Variants in FLG observed in about 807,000 individuals in gnomAD.
The protein encoded by FLG is epidermal filaggrin.
In FLG, 6 loss-of-function variants were observed where a neutral mutation model predicts 3.8. The ratio of observed to expected loss-of-function variants is 1.60; its 90% CI spans 0.87 to 3.15. The LOEUF is 3.15. Among genes scored for constraint, FLG ranks in the 30% most tolerant of loss-of-function variants. The probability of loss-of-function intolerance (pLI) is 0.00; values close to 1 mark genes in which losing one functional copy is unlikely to be tolerated. For synonymous variants in FLG, 2,551 were observed against 1,931.6 expected (o/e 1.32, Z -8.41); for missense variants, 7,595 against 5,050.9 (o/e 1.50, Z -15.27).
Position 152,309,688 on chromosome 1 carries a change from G to A in FLG, c.5198C>T (p.Ser1733Leu), listed in dbSNP as rs1310447389. Residue 1733 changes from serine to leucine, a missense_variant, in exon 3 of 3, where the codon TCA becomes TTA. By Grantham distance (145) the Ser-to-Leu change is moderately radical (BLOSUM62 -2). Transcript: ENST00000368799. ...EGHSEESDTQ[S>L]VSAHGQAGPH... ...CCCAGCCTGTCCGTGGGCTGACACTGACTGTGTGTCTGACTCTTCTGAGTG... is the reference window on the plus strand; with the variant it reads ...CCCAGCCTGTCCGTGGGCTGACACTAACTGTGTGTCTGACTCTTCTGAGTG... 7 of 1,613,958 alleles carry A rather than the reference G, an allele frequency of 4.3e-6. No homozygotes were observed. The highest frequency in any genetic ancestry group is 5.9e-6 in the Non-Finnish European group (7 of 1,179,944).
Position 152,312,480 on chromosome 1 carries a change from C to T in FLG, c.2406G>A (p.Gln802=). 6.2e-7 allele frequency: 1 copy of T among 1,613,640 alleles called. No homozygotes were observed. Among genetic ancestry groups the T allele is most frequent in the Non-Finnish European group, 8.5e-7 (1 of 1,179,898 alleles). ...SFLYQVSTHK[Q]SESSHGWTGP... ...CTGTCCATCCATGGGAGGACTCAGA[C>T]TGTTTATGAGTGCTCACCTGGTAGA... Residue 802 remains glutamine, a synonymous_variant, in exon 3 of 3, where the codon CAG becomes CAA. Transcript: ENST00000368799.
In FLG at chr1:152,308,112, C is replaced by CCT. The variant is rs1557875019; in HGVS notation, c.6772_6773dup (p.Arg2259GlyfsTer161). 6.2e-7 allele frequency: 1 copy of CCT among 1,613,532 alleles called. No homozygotes were observed. On this transcript the variant is annotated frameshift_variant, in exon 3 of 3. Transcript: ENST00000368799. LOFTEE classifies it low-confidence loss of function (END_TRUNC). ...GGTTTCTGGACGCAGACCCAGACCG[C>CCT]CTCTCAGAATCTTCTGAGTGTCCCT... is the stretch of plus-strand genomic sequence containing the variant.
Position 152,302,334 on chromosome 1 carries a change from A to G in FLG, c.*366T>C. 1 of 280,716 alleles carries G rather than the reference A, an allele frequency of 3.6e-6. No individual in the cohort carries two copies. The highest frequency in any genetic ancestry group is 6.7e-6 in the Non-Finnish European group (1 of 148,558). 17.4% of individuals were successfully genotyped at this position (280,716 alleles called of 1,614,324 possible). On this transcript the variant is annotated 3_prime_UTR_variant, in exon 3 of 3. Transcript: ENST00000368799. ...CCACTTTGGTATACAGAACTGTTTT[A>G]TATTTTTGGCTCCTTCGATATTTCT...
chr1:152,303,685 C>T lies in FLG; in HGVS notation c.11201G>A (p.Arg3734Lys), dbSNP rs1296263141. 1 of 1,614,094 alleles carries T rather than the reference C, an allele frequency of 6.2e-7. No homozygotes were observed. The highest frequency in any genetic ancestry group is 8.5e-7 in the Non-Finnish European group (1 of 1,179,986). Residue 3734 changes from arginine (R) to lysine (K), a missense_variant, in exon 3 of 3, where the codon AGA (arginine) becomes AAA (lysine). Transcript: ENST00000368799. ...TGCCTGCTCGTGGCGGGATCCTTGT[C>T]TTCCTCCAGTACTGGGCCCAGCCCG... Reference protein sequence around the residue: ...HGRAGPSTGGRQGSRHEQARD... With the variant: ...HGRAGPSTGGKQGSRHEQARD...
Position 152,310,301 on chromosome 1 carries a change from C to G in FLG, c.4585G>C (p.Asp1529His). Reference protein sequence around the residue: ...HSHTTPQGRSDASHGQSGPRS... With the variant: ...HSHTTPQGRSHASHGQSGPRS... ...GGTCCTGACTGCCCATGGGAGGCAT[C>G]AGACCTTCCCTGGGGTGTGGTGTGG... The change falls in exon 3 of 3, where the codon GAT becomes CAT. Residue 1529 changes from aspartate (D) to histidine (H), a missense_variant. Coordinates refer to ENST00000368799, the MANE Select transcript of FLG (RefSeq NM_002016.2). The G allele has an allele frequency of 1.2e-6, 2 of 1,613,928 alleles. No individual in the cohort carries two copies. Among genetic ancestry groups the G allele is most frequent in the Non-Finnish European group, 1.7e-6 (2 of 1,179,986 alleles).
rs201778534 is a variant in FLG, at chr1:152,304,802, C to A, written c.10084G>T (p.Gly3362Trp). ...TQSVSGHGQA[G>W]PHQQSHQESA... ...TCTTGGTGGCTCTGCTGATGGGGCCCAGCCTGTCCATGGCCTGACACTGAC... is the reference window on the plus strand; with the variant it reads ...TCTTGGTGGCTCTGCTGATGGGGCCAAGCCTGTCCATGGCCTGACACTGAC... Residue 3362 changes from glycine (G) to tryptophan (W), a missense_variant, in exon 3 of 3, where the codon GGG becomes TGG. Physicochemically the swap from Gly to Trp is radical, Grantham distance 184. Transcript: ENST00000368799. 243 of 1,613,880 alleles carry A rather than the reference C, an allele frequency of 1.5e-4. 1 individual carries two copies. The highest frequency in any genetic ancestry group is 2.6e-5 in the Non-Finnish European group (31 of 1,179,972).
rs761082268 is a variant in FLG at position 152,309,060 on chromosome 1, A to G, written c.5826T>C (p.His1942=). The G allele has an allele frequency of 6.8e-6, 11 of 1,613,992 alleles. No homozygotes were observed. The highest frequency in any genetic ancestry group is 1.3e-5 in the African/African-American group (1 of 74,914). ...TTGACTGCTCCCAAGCAGATCCAAGATGGTTTCTGGAAGCAGACCCAGACC... is the reference window on the plus strand; with the variant it reads ...TTGACTGCTCCCAAGCAGATCCAAGGTGGTTTCTGGAAGCAGACCCAGACC... ...ERWSGSASRN[H]LGSAWEQSRD... Residue 1942 remains histidine (H), a synonymous_variant, in exon 3 of 3, where the codon CAT becomes CAC. Coordinates refer to ENST00000368799, the MANE Select transcript of FLG (RefSeq NM_002016.2).
In FLG at chr1:152,314,678, CA is replaced by C. The variant is rs769046914; in HGVS notation, c.207del (p.Ile69MetfsTer8). On this transcript the variant is annotated frameshift_variant, in exon 3 of 3. Transcript: ENST00000368799. LOFTEE classifies it low-confidence loss of function (END_TRUNC). ...DHLDIDHNKK[I>X]DFTEFLLMVF... ...ACCATCAGAAGAAACTCAGTGAAGT[CA>C]ATTTTCTTGTTGTGGTCTATATCCA... 6.2e-7 allele frequency: 1 copy of C among 1,613,976 alleles called. No homozygotes were observed. Among genetic ancestry groups the C allele is most frequent in the Non-Finnish European group, 8.5e-7 (1 of 1,179,954 alleles).
In FLG at chr1:152,308,679, C is replaced by A. The variant is rs1435439883; in HGVS notation, c.6207G>T (p.Gln2069His). Residue 2069 changes from glutamine (Q) to histidine (H), a missense_variant, in exon 3 of 3, where the codon CAG becomes CAT. Coordinates refer to ENST00000368799, the MANE Select transcript of FLG (RefSeq NM_002016.2). ...CACGTGCGGACTCTTTGTGGCTCTG[C>A]TGATGGGGCCCAGCTTTTCCCTGTG... ...VSAQGKAGPH[Q>H]QSHKESARGQ... 1 of 1,614,182 alleles carries A rather than the reference C, an allele frequency of 6.2e-7. No homozygotes were observed. The highest frequency in any genetic ancestry group is 2.2e-5 in the East Asian group (1 of 44,882).
Position 152,310,056 on chromosome 1 carries a change from C to A in FLG, c.4830G>T (p.Arg1610=), listed in dbSNP as rs757271097. 2 of 1,614,020 alleles carry A rather than the reference C, an allele frequency of 1.2e-6. No homozygotes were observed. The highest frequency in any genetic ancestry group is 1.7e-6 in the Non-Finnish European group (2 of 1,180,006). The change falls in exon 3 of 3, where the codon CGG becomes CGT. Residue 1610 remains arginine (R), a synonymous_variant. Coordinates refer to ENST00000368799, the MANE Select transcript of FLG (RefSeq NM_002016.2). The part of the protein sequence containing the change: ...SEGHSEDSER[R]SESASRNHYG... ...AATGGTTTCTGGAAGCCGACTCAGA[C>A]CGCCTCTCAGAGTCTTCTGAGTGTC...
rs113543010 is a variant in FLG at position 152,314,797 on chromosome 1, T to G, written c.139-50A>C. On this transcript the variant is annotated intron_variant, in intron 2 of 2. Coordinates refer to ENST00000368799, the MANE Select transcript of FLG (RefSeq NM_002016.2). Reference sequence around the variant, plus strand: ...GAGACTGCATCAGACAGAATCACATTATCAGCCAATTAATTCAAAGTTAAT... The same window carrying G: ...GAGACTGCATCAGACAGAATCACATGATCAGCCAATTAATTCAAAGTTAAT... 2.4e-5 allele frequency: 39 copies of G among 1,608,496 alleles called. No homozygotes were observed. In the African/African-American group the frequency reaches 2.9e-4, roughly 12 times the overall value.
In FLG at chr1:152,314,422, C is replaced by T. The variant is rs113297198; in HGVS notation, c.464G>A (p.Ser155Asn). The T allele has an allele frequency of 1.1e-5, 17 of 1,613,104 alleles. No homozygotes were observed. Among genetic ancestry groups the T allele is most frequent in the Non-Finnish European group, 1.4e-5 (17 of 1,179,834 alleles). The change falls in exon 3 of 3, where the codon AGT becomes AAT. Residue 155 changes from serine to asparagine, a missense_variant. Coordinates refer to ENST00000368799, the MANE Select transcript of FLG (RefSeq NM_002016.2). ...RETGGKRHESSSEKKERKGYS... is the reference protein window; with the variant it reads ...RETGGKRHESNSEKKERKGYS... ...TCCTTTTCTTTCTTTTTTTTCAGAA[C>T]TAGATTCATGCCTTTTCCCCCCTGT... is the stretch of plus-strand genomic sequence containing the variant.
Position 152,312,575 on chromosome 1 carries a change from G to A in FLG, c.2311C>T (p.His771Tyr), listed in dbSNP as rs759178972. Residue 771 changes from histidine (H) to tyrosine (Y), a missense_variant, in exon 3 of 3, where the codon CAT becomes TAT. Transcript: ENST00000368799. ...GCGGACTCTTGGTGGCTCTGCTGAT[G>A]GTGACCAGCCTGTCCATGGCCTGAC... ...SVSGHGQAGH[H>Y]QQSHQESARD... 2 of 1,613,620 alleles carry A rather than the reference G, an allele frequency of 1.2e-6. No individual in the cohort carries two copies. The highest frequency in any genetic ancestry group is 2.2e-5 in the East Asian group (1 of 44,812).
Position 152,308,323 on chromosome 1 carries a change from C to G in FLG, c.6563G>C (p.Ser2188Thr). Residue 2188 changes from serine to threonine, a missense_variant, in exon 3 of 3, where the codon AGT (serine) becomes ACT (threonine). Ser to Thr is a moderately conservative substitution (Grantham distance 58). Transcript: ENST00000368799. ...DASRGQSGSRSASRKTYDKEQ... is the reference protein window; with the variant it reads ...DASRGQSGSRTASRKTYDKEQ... The stretch of plus-strand genomic sequence containing the variant: ...CTTGTCATATGTTTTTCTGCTTGCA[C>G]TTCTGGATCCTGACTGCCCACGGGA... 6 of 1,613,790 alleles carry G rather than the reference C, an allele frequency of 3.7e-6. No individual in the cohort carries two copies. The highest frequency in any genetic ancestry group is 5.1e-6 in the Non-Finnish European group (6 of 1,179,848).
At chr1:152,323,468 G>A (rs1653046636) in intron 1 of FLG, among the ~76,000 whole-genome samples, 1 of 151,592 alleles carries the variant, frequency 6.6e-6, no homozygotes, top group African/African-American at 2.4e-5. Context: ...TTAACTCAAT[G>A]GAAAAATGAA....
chr1:152,313,838 C>A lies in FLG; in HGVS notation c.1048G>T (p.Ala350Ser). 6.2e-7 allele frequency: 1 copy of A among 1,614,190 alleles called. No individual in the cohort carries two copies. Among genetic ancestry groups the A allele is most frequent in the Non-Finnish European group, 8.5e-7 (1 of 1,180,036 alleles). The change falls in exon 3 of 3, where the codon GCA becomes TCA. Residue 350 changes from alanine to serine, a missense_variant. By Grantham distance (99) the Ala-to-Ser change is moderately conservative. Transcript: ENST00000368799. ...DEDRASHGHS[A>S]DSSRQSGTRH... is the part of the protein sequence containing the mutation. ...GTGCCTGATTGTCTGGAGCTGTCTGCAGAGTGCCCATGACTGGCTCTGTCT... is the reference window on the plus strand; with the variant it reads ...GTGCCTGATTGTCTGGAGCTGTCTGAAGAGTGCCCATGACTGGCTCTGTCT...
In FLG at chr1:152,312,693, T is replaced by A. The variant is rs745833903; in HGVS notation, c.2193A>T (p.Ser731=). 1.9e-6 allele frequency: 3 copies of A among 1,613,964 alleles called. No individual in the cohort carries two copies. The East Asian group carries it at 6.7e-5, about 36-fold the overall frequency. ...GGTGTCCACTGTCTCTGACTGCAGA[T>A]GAAGCTTGTCCGTGCCCAGTGCCTG... The part of the protein sequence containing the change: ...RHSGTGHGQA[S]SAVRDSGHRG... The change falls in exon 3 of 3, where the codon TCA becomes TCT. Residue 731 remains serine (S), a synonymous_variant. Transcript: ENST00000368799.
In FLG at chr1:152,307,838, G is replaced by C. The variant is rs768181237; in HGVS notation, c.7048C>G (p.Gln2350Glu). ...CTGTCTCTGACTGCAGATGAAGCTT[G>C]TCCGTGCCCAATGCCTGAGTGTCTG... ...SSRHSGIGHGQASSAVRDSGH... is the reference protein window; with the variant it reads ...SSRHSGIGHGEASSAVRDSGH... The change falls in exon 3 of 3, where the codon CAA becomes GAA. Residue 2350 changes from glutamine to glutamate, a missense_variant. Physicochemically the swap from Gln to Glu is conservative, Grantham distance 29. Transcript: ENST00000368799. The C allele has an allele frequency of 1.2e-6, 2 of 1,613,388 alleles. No homozygotes were observed. Among genetic ancestry groups the C allele is most frequent in the South Asian group, 1.1e-5 (1 of 91,012 alleles).
At position 152,313,839 on chromosome 1, in the gene FLG, A is replaced by G. The variant is rs1332368200; in HGVS notation, c.1047T>C (p.Ser349=). The change falls in exon 3 of 3, where the codon TCT becomes TCC. Residue 349 remains serine, a synonymous_variant. Coordinates refer to ENST00000368799, the MANE Select transcript of FLG (RefSeq NM_002016.2). ...HDEDRASHGH[S]ADSSRQSGTR... Reference sequence around the variant, plus strand: ...TGCCTGATTGTCTGGAGCTGTCTGCAGAGTGCCCATGACTGGCTCTGTCTT... The same window carrying G: ...TGCCTGATTGTCTGGAGCTGTCTGCGGAGTGCCCATGACTGGCTCTGTCTT... 2.5e-6 allele frequency: 4 copies of G among 1,614,146 alleles called. No individual in the cohort carries two copies. Among genetic ancestry groups the G allele is most frequent in the East Asian group, 2.2e-5 (1 of 44,864 alleles).
Sources: allele counts gnomAD v4.1 joint callset (sites outside exome capture counted in the v4.1 genomes callset), GRCh38; gene constraint gnomAD v4.1.1; transcripts MANE v1.5; gene names NCBI Gene and HGNC (gene_info 2026-07-23, HGNC 2026-07-21).